Variants in ANOS1 observed in about 807,000 individuals in gnomAD.
The protein encoded by ANOS1 is anosmin 1.
A neutral mutation model predicts 59.0 loss-of-function variants in ANOS1; 6 were observed. The ratio of observed to expected loss-of-function variants is 0.10; its 90% CI spans 0.06 to 0.20. The LOEUF is 0.20. Ranked by LOEUF, ANOS1 falls within the 10% of genes least tolerant of loss-of-function variation. The probability of loss-of-function intolerance (pLI) is 1.00; values close to 1 mark genes in which losing one functional copy is unlikely to be tolerated. For synonymous variants in ANOS1, 217 were observed against 223.4 expected (o/e 0.97, Z 0.25); for missense variants, 433 against 542.3 (o/e 0.80, Z 2.00).
At position 8,609,880 on chromosome X, in the gene ANOS1, G is replaced by A. The variant is rs181444063; in HGVS notation, c.319-12624C>T. 4.2e-3 allele frequency among the ~76,000 whole-genome samples: 446 copies of A among 107,236 alleles called. 3 individuals carry two copies. Among genetic ancestry groups the A allele is most frequent in the African/African-American group, 0.014 (423 of 29,388 alleles). The allele number at this position is 107,236 out of a possible 115,157, so 93.1% of individuals were successfully genotyped here. A position where few individuals can be genotyped will look rare whatever the true frequency, so the allele number is the denominator to read the frequency against. On this transcript the variant is annotated intron_variant, in intron 3 of 13. Coordinates refer to ENST00000262648, the MANE Select transcript of ANOS1 (RefSeq NM_000216.4). ...AAATTAGCTGGGCGTGGTGGTGGGCGCCTGTAGTCCCAGCTACTCGGGAGG... is the reference window on the plus strand; with the variant it reads ...AAATTAGCTGGGCGTGGTGGTGGGCACCTGTAGTCCCAGCTACTCGGGAGG...
intron 8 of ANOS1, among the ~76,000 whole-genome samples, chrX:8,567,394 C>T (rs955676921): frequency 2.7e-5 from 3 of 111,809 alleles, no homozygotes; most frequent in Middle Eastern, 4.2e-3. Context: ...TATCCACTCG[C>T]GTACATACAA....
intron 2 of ANOS1, among the ~76,000 whole-genome samples, chrX:8,675,795 G>C (rs1017175910): frequency 2.8e-5 from 3 of 107,942 alleles, no homozygotes; most frequent in African/African-American, 1.0e-4. Context: ...TGAACGTATC[G>C]ACCCATCACC....
chrX:8,625,857 A>T (rs926556300), intron 2 of ANOS1, among the ~76,000 whole-genome samples: 1 of 110,823 alleles, frequency 9.0e-6, no homozygotes, highest in Non-Finnish European at 1.9e-5. Context: ...TCACACCTGT[A>T]GTCCCAGCAC....
intron 3 of ANOS1, among the ~76,000 whole-genome samples, chrX:8,614,853 C>A (rs1341942726): frequency 4.2e-5 from 2 of 47,767 alleles, no homozygotes; most frequent in Admixed American, 2.1e-4. Flanking sequence ...TTGATACTCC[C>A]CCGAGTAATA....
rs1017440357 is a variant in ANOS1, at chrX:8,544,222, A to G, written c.1355-4464T>C. On this transcript the variant is annotated intron_variant, in intron 9 of 13. Coordinates refer to ENST00000262648, the MANE Select transcript of ANOS1 (RefSeq NM_000216.4). Reference sequence around the variant, plus strand: ...GTTATTGACATTAGAGCTCTGAGAAAGAGGCAATCCTTGGGTTCTCCAGAA... The same window carrying G: ...GTTATTGACATTAGAGCTCTGAGAAGGAGGCAATCCTTGGGTTCTCCAGAA... Among the ~76,000 whole-genome samples, 19 of 107,240 alleles carry G rather than the reference A, an allele frequency of 1.8e-4. No individual in the cohort carries two copies. In the Admixed American group the frequency reaches 1.8e-3, roughly 10 times the overall value. 93.1% of individuals were successfully genotyped at this position (107,240 alleles called of 115,157 possible).
chrX:8,632,775 A>C, intron 2 of ANOS1, among the ~76,000 whole-genome samples: 1 of 107,573 alleles, frequency 9.3e-6, no homozygotes. Context: ...GGGGTTCTTA[A>C]AAAAAAAAAA....
At chrX:8,587,427 A>G (rs769299063) in intron 5 of ANOS1, among the ~76,000 whole-genome samples, 3 of 112,018 alleles carry the variant, frequency 2.7e-5, no homozygotes, top group African/African-American at 6.5e-5. Context: ...AAGAGAAGGC[A>G]TTTAGATTAT....
At chrX:8,566,389 G>A (rs749809464) in intron 8 of ANOS1, among the ~76,000 whole-genome samples, 2 of 111,350 alleles carry the variant, frequency 1.8e-5, no homozygotes, top group Admixed American at 9.6e-5. Flanking sequence ...AGTTATGTGC[G>A]TGTTTGTGTA....
At chrX:8,534,073 C>T (rs1245030860) in intron 13 of ANOS1, among the ~76,000 whole-genome samples, 2 of 105,534 alleles carry the variant, frequency 1.9e-5, no homozygotes, top group Non-Finnish European at 3.9e-5. Context: ...GGGAGAAAAG[C>T]GGGGAAGAGG....
At position 8,528,924 on chromosome X, in the gene ANOS1, T is replaced by C. The variant is rs937426023; in HGVS notation, c.*4071A>G. ...GAACCAGTATGTACAAACTCTAACATGAAAATAATGAGTCACAGAATATCA... is the reference window on the plus strand; with the variant it reads ...GAACCAGTATGTACAAACTCTAACACGAAAATAATGAGTCACAGAATATCA... On this transcript the variant is annotated 3_prime_UTR_variant, in exon 14 of 14. Transcript: ENST00000262648. The C allele has an allele frequency of 2.7e-5, 3 of 112,013 alleles. No homozygotes were observed. Among genetic ancestry groups the C allele is most frequent in the African/African-American group, 9.7e-5 (3 of 30,830 alleles). The allele number at this position is 112,013 out of a possible 1,213,427, so 9.2% of individuals were successfully genotyped here.
At chrX:8,615,555 A>G (rs780360462) in intron 3 of ANOS1, among the ~76,000 whole-genome samples, 12 of 102,856 alleles carry the variant, frequency 1.2e-4, no homozygotes, top group East Asian at 3.0e-4. Flanking sequence ...AAAAAAAAAA[A>G]AAAAGAAAAG....
intron 2 of ANOS1, among the ~76,000 whole-genome samples, chrX:8,662,797 G>A (rs999399690): frequency 9.9e-5 from 11 of 111,535 alleles, no homozygotes; most frequent in African/African-American, 2.6e-4. Flanking sequence ...CGAGGCAGGC[G>A]GATCATCTGA....
intron 2 of ANOS1, among the ~76,000 whole-genome samples, chrX:8,670,120 G>A (rs1932231484): frequency 9.1e-6 from 1 of 109,813 alleles, no homozygotes; most frequent in Admixed American, 9.8e-5. Flanking sequence ...TGCTCGTTCT[G>A]TCTGTAAATC....
intron 6 of ANOS1, among the ~76,000 whole-genome samples, chrX:8,575,298 A>G (rs1457275526): frequency 2.7e-5 from 3 of 112,419 alleles, no homozygotes; most frequent in Non-Finnish European, 5.6e-5. Flanking sequence ...CTAGTTTACA[A>G]CTGAATCGTC....
intron 9 of ANOS1, among the ~76,000 whole-genome samples, chrX:8,542,390 A>G (rs888840095): frequency 6.3e-5 from 7 of 110,895 alleles, no homozygotes; most frequent in Non-Finnish European, 1.1e-4. Flanking sequence ...GGCTTCAGCA[A>G]GCAACTCCAA....
rs60901850 is a variant in ANOS1, at chrX:8,643,883, C to T, written c.256-20213G>A. On this transcript the variant is annotated intron_variant, in intron 2 of 13. Transcript: ENST00000262648. ...GTCCATCAGAAAATGTTTAAATTTA[C>T]CTATAACCTAGAAGTGCCACCCCCC... Among the ~76,000 whole-genome samples, 382 of 111,736 alleles carry T rather than the reference C, an allele frequency of 3.4e-3. 2 individuals are homozygous for T. The highest frequency in any genetic ancestry group is 0.012 in the African/African-American group (358 of 30,771).
intron 2 of ANOS1, among the ~76,000 whole-genome samples, chrX:8,655,390 GT>G (rs755868744): frequency 7.2e-5 from 8 of 111,538 alleles, no homozygotes; most frequent in Non-Finnish European, 1.5e-4. Flanking sequence ...CGGAGCTCAG[GT>G]GGTGATGTGA....
At chrX:8,664,411 T>TG (rs1421641779) in intron 2 of ANOS1, among the ~76,000 whole-genome samples, 1 of 110,327 alleles carries the variant, frequency 9.1e-6, no homozygotes, top group African/African-American at 3.3e-5. Flanking sequence ...GCCAGGATGG[T>TG]CTCAATCTCC....
intron 2 of ANOS1, among the ~76,000 whole-genome samples, chrX:8,697,006 A>G (rs1045333948): frequency 8.9e-6 from 1 of 112,360 alleles, no homozygotes; most frequent in Non-Finnish European, 1.9e-5. Context: ...AGTCAGATGA[A>G]GCACAGAGAC....
Sources: allele counts gnomAD v4.1 joint callset (sites outside exome capture counted in the v4.1 genomes callset), GRCh38; gene constraint gnomAD v4.1.1; transcripts MANE v1.5; gene names NCBI Gene and HGNC (gene_info 2026-07-23, HGNC 2026-07-21).